Variants in SEPTIN7 observed in about 807,000 individuals in gnomAD.
SEPTIN7 encodes septin-7.
In SEPTIN7, 10 loss-of-function variants were observed where a neutral mutation model predicts 63.3. That is an observed-to-expected ratio of 0.16 (90% confidence interval 0.10 to 0.27). SEPTIN7 has a LOEUF of 0.27. Ranked by LOEUF, SEPTIN7 falls within the 10% of genes least tolerant of loss-of-function variation. The probability of loss-of-function intolerance (pLI) is 1.00; values close to 1 mark genes in which losing one functional copy is unlikely to be tolerated. For missense variants in SEPTIN7, 310 were observed against 521.0 expected, an observed-to-expected ratio of 0.59 and a Z score of 3.94; for synonymous variants, 131 against 165.3, an observed-to-expected ratio of 0.79 and a Z score of 1.59.
the SEPTIN7 span, among the ~76,000 whole-genome samples, chr7:35,914,281 A>G: frequency 5.9e-5 from 9 of 152,252 alleles, no homozygotes; most frequent in Non-Finnish European, 1.2e-4. Context: ...TTAATTTTAA[A>G]TATCTCATGG....
intron 1 of SEPTIN7, among the ~76,000 whole-genome samples, chr7:35,809,947 G>C (rs1226360113): frequency 6.6e-6 from 1 of 152,132 alleles, no homozygotes; most frequent in Non-Finnish European, 1.5e-5. Context: ...TGAGGGGGAT[G>C]GTTGTAAGGT....
intron 1 of SEPTIN7, among the ~76,000 whole-genome samples, chr7:35,820,305 G>A (rs1441539464): frequency 6.6e-6 from 1 of 151,846 alleles, no homozygotes; most frequent in African/African-American, 2.4e-5. Flanking sequence ...TCAAATTTGG[G>A]AAGTTTTCAG....
intron 1 of SEPTIN7, among the ~76,000 whole-genome samples, chr7:35,827,950 T>G (rs1416938934): frequency 6.6e-6 from 1 of 152,226 alleles, no homozygotes; most frequent in Non-Finnish European, 1.5e-5. Context: ...GAAGATGTTT[T>G]CCTGAAAGAG....
intron 1 of SEPTIN7, 101 bp downstream of exon 1, chr7:35,801,371 G>T: frequency 7.2e-7 from 1 of 1,394,520 alleles, no homozygotes; most frequent in Non-Finnish European, 9.5e-7. Context: ...CTGAGGCGAG[G>T]CGGAGGCAGC....
chr7:35,908,797 T>C (rs1466592495), downstream of SEPTIN7, among the ~76,000 whole-genome samples: 1 of 152,210 alleles, frequency 6.6e-6, no homozygotes, highest in Admixed American at 6.5e-5. Flanking sequence ...AGAGCACAGA[T>C]TCCCCTGGGT....
intron 6 of SEPTIN7, among the ~76,000 whole-genome samples, chr7:35,879,038 G>T (rs561314327): frequency 6.6e-6 from 1 of 152,320 alleles, no homozygotes; most frequent in African/African-American, 2.4e-5. Context: ...CTTACTAAGA[G>T]GATCCTGAAA....
At position 35,905,141 on chromosome 7, in the gene SEPTIN7, C is replaced by T. The variant is rs1349683167; in HGVS notation, c.*848C>T. 1 of 152,576 alleles carries T rather than the reference C, an allele frequency of 6.6e-6. No individual in the cohort carries two copies. Among genetic ancestry groups the T allele is most frequent in the Admixed American group, 6.5e-5 (1 of 15,272 alleles). 9.5% of individuals were successfully genotyped at this position (152,576 alleles called of 1,614,324 possible). A position where few individuals can be genotyped will look rare whatever the true frequency, so the allele number is the denominator to read the frequency against. ...CAAAATTGTGAAGCTAATGACCAACCTGTTTCTACCTATATGCAGTCTCTT... is the reference window on the plus strand; with the variant it reads ...CAAAATTGTGAAGCTAATGACCAACTTGTTTCTACCTATATGCAGTCTCTT... On this transcript the variant is annotated 3_prime_UTR_variant, in exon 14 of 14. Coordinates refer to ENST00000350320, the MANE Select transcript of SEPTIN7 (RefSeq NM_001788.6).
At position 35,816,030 on chromosome 7, in the gene SEPTIN7, A is replaced by G. The variant is rs77424196; in HGVS notation, c.61+14760A>G. Among the ~76,000 whole-genome samples, 393 of 152,322 alleles carry G rather than the reference A, an allele frequency of 2.6e-3. 2 individuals are homozygous for G. The highest frequency in any genetic ancestry group is 9.0e-3 in the African/African-American group (376 of 41,568). On this transcript the variant is annotated intron_variant, in intron 1 of 13. Coordinates refer to ENST00000350320, the MANE Select transcript of SEPTIN7 (RefSeq NM_001788.6). ...ATATGTGTGAGAAAGGAGATATAAC[A>G]ATTTATGAAAGGTAGTGTACAGTAC...
chr7:35,801,270 G>C lies in SEPTIN7; in HGVS notation c.61G>C (p.Val21Leu). The C allele has an allele frequency of 1.4e-6, 2 of 1,457,606 alleles. No homozygotes were observed. Among genetic ancestry groups the C allele is most frequent in the Non-Finnish European group, 1.8e-6 (2 of 1,111,946 alleles). The allele number at this position is 1,457,606 out of a possible 1,614,324, so 90.3% of individuals were successfully genotyped here. A position where few individuals can be genotyped will look rare whatever the true frequency, so the allele number is the denominator to read the frequency against. The change falls in exon 1 of 14, where the codon GTA becomes CTA. Residue 21 changes from valine to leucine, a missense_variant and splice_region_variant. Val to Leu is a conservative substitution (Grantham distance 32). Coordinates refer to ENST00000350320, the MANE Select transcript of SEPTIN7 (RefSeq NM_001788.6). ...GAGGAGCGTCAACAGCAGCACCATG[G>C]GTGAGTCTCAGCTTCGGGTGCCGCG... Reference protein sequence around the residue: ...EERSVNSSTMVAQQKNLEGYV... With the variant: ...EERSVNSSTMLAQQKNLEGYV...
chr7:35,896,617 A>G (rs1422779733), intron 11 of SEPTIN7, among the ~76,000 whole-genome samples: 1 of 152,214 alleles, frequency 6.6e-6, no homozygotes, highest in Non-Finnish European at 1.5e-5. Context: ...AAGCATCTCA[A>G]CTTTTAACAA....
At chr7:35,822,302 T>G (rs959915017) in intron 1 of SEPTIN7, among the ~76,000 whole-genome samples, 1 of 151,992 alleles carries the variant, frequency 6.6e-6, no homozygotes, top group Non-Finnish European at 1.5e-5. Context: ...GCTCAGGCAG[T>G]CCACCCGCCT....
intron 2 of SEPTIN7, among the ~76,000 whole-genome samples, chr7:35,832,424 T>G (rs78000901): frequency 0.015 from 2,246 of 152,188 alleles, 50 homozygotes; most frequent in African/African-American, 0.05. Context: ...AAAGGATTCT[T>G]AATATGATAT....
downstream of SEPTIN7, among the ~76,000 whole-genome samples, chr7:35,910,107 G>A (rs141614331): frequency 3.6e-4 from 55 of 152,310 alleles, no homozygotes; most frequent in African/African-American, 1.2e-3. Flanking sequence ...ATGGTGGCTG[G>A]CTTTCTCCTA....
chr7:35,875,553 C>A (rs868605303), intron 6 of SEPTIN7, among the ~76,000 whole-genome samples: 1 of 152,214 alleles, frequency 6.6e-6, no homozygotes, highest in South Asian at 2.1e-4. Flanking sequence ...TGCCTCCTAC[C>A]TCCCTCTACC....
chr7:35,858,192 G>A (rs1311794262), intron 3 of SEPTIN7, among the ~76,000 whole-genome samples: 3 of 151,954 alleles, frequency 2.0e-5, no homozygotes, highest in Non-Finnish European at 1.5e-5. Context: ...TGATCCCTCC[G>A]CCTCGGCCTC....
chr7:35,831,978 A>G, intron 2 of SEPTIN7: 1 of 346,210 alleles, frequency 2.9e-6, no homozygotes, highest in Non-Finnish European at 5.6e-6. Flanking sequence ...AAAATTAACC[A>G]ATGAGACTCT....
At position 35,873,635 on chromosome 7, in the gene SEPTIN7, C is replaced by T; in HGVS notation, c.378-6C>T. 6.2e-7 allele frequency: 1 copy of T among 1,606,204 alleles called. No individual in the cohort carries two copies. Among genetic ancestry groups the T allele is most frequent in the Non-Finnish European group, 8.5e-7 (1 of 1,176,694 alleles). ...GCAGCTTGTTTTGTTTATTTGCGTT[C>T]TATAGCTGGCAGCCTGTTATCGACT... On this transcript the variant is annotated splice_region_variant and splice_polypyrimidine_tract_variant and intron_variant, in intron 5 of 13. Transcript: ENST00000350320.
At chr7:35,805,357 TA>T (rs1788264377) in intron 1 of SEPTIN7, among the ~76,000 whole-genome samples, 2 of 152,098 alleles carry the variant, frequency 1.3e-5, no homozygotes, top group Admixed American at 1.3e-4. Context: ...ATACTGCAAA[TA>T]AAAAAAGTGG....
chr7:35,810,868 G>A (rs1788660819), intron 1 of SEPTIN7, among the ~76,000 whole-genome samples: 1 of 151,652 alleles, frequency 6.6e-6, no homozygotes, highest in Admixed American at 6.6e-5. Flanking sequence ...CCTGGTTCAA[G>A]CAATTCCTCT....
Sources: allele counts gnomAD v4.1 joint callset (sites outside exome capture counted in the v4.1 genomes callset), GRCh38; gene constraint gnomAD v4.1.1; transcripts MANE v1.5; gene names NCBI Gene and HGNC (gene_info 2026-07-23, HGNC 2026-07-21).